Variants in DCDC2C observed in about 807,000 individuals in gnomAD.
The protein encoded by DCDC2C is doublecortin domain-containing protein 2C.
Under a neutral mutation model 45.0 loss-of-function variants are expected in DCDC2C, and 44 were observed. The ratio of observed to expected loss-of-function variants is 0.98; its 90% confidence interval spans 0.77 to 1.26. The LOEUF (loss-of-function observed/expected upper bound fraction) is 1.26, where lower values mean the gene tolerates loss of function less well. Among genes scored for constraint, DCDC2C ranks in the 50% most tolerant of loss-of-function variants. DCDC2C has a pLI of 0.00. For synonymous variants in DCDC2C, 187 were observed against 178.8 expected (o/e 1.05, Z -0.37); for missense variants, 447 against 468.9 (o/e 0.95, Z 0.43).
chr2:3,747,841 A>G (rs1669419601), intron 4 of DCDC2C, among the ~76,000 whole-genome samples: 1 of 152,192 alleles, frequency 6.6e-6, no homozygotes, highest in South Asian at 2.1e-4. Flanking sequence ...TCAGGAGCAG[A>G]CCCCTGATAA....
chr2:3,751,895 T>C (rs770082007), intron 4 of DCDC2C, among the ~76,000 whole-genome samples: 15 of 152,184 alleles, frequency 9.9e-5, no homozygotes, highest in Non-Finnish European at 1.6e-4. Flanking sequence ...TAATGATAAA[T>C]GCTCCTCCCC....
intron 7 of DCDC2C, chr2:3,769,060 T>C (rs1670089278): frequency 4.6e-6 from 2 of 437,054 alleles, no homozygotes; most frequent in Admixed American, 6.8e-5. Flanking sequence ...GTCCAGGACC[T>C]TCATGAAGAC....
chr2:3,713,515 T>C (rs1668273964), intron 2 of DCDC2C, among the ~76,000 whole-genome samples: 1 of 152,192 alleles, frequency 6.6e-6, no homozygotes, highest in South Asian at 2.1e-4. Flanking sequence ...GGGAGCTGCA[T>C]GTCTCGGCCC....
chr2:3,790,834 C>T (rs370798900), intron 10 of DCDC2C, among the ~76,000 whole-genome samples: 5 of 152,192 alleles, frequency 3.3e-5, no homozygotes, highest in Admixed American at 2.6e-4. Flanking sequence ...CTAGGCCGGG[C>T]GCGGTGGTTC....
chr2:3,769,950 G>A (rs1045791028), intron 8 of DCDC2C, among the ~76,000 whole-genome samples: 8 of 152,198 alleles, frequency 5.3e-5, no homozygotes. Context: ...CTGGTGCATG[G>A]TGGATGCTGG....
At chr2:3,836,971 A>C (rs1262775509) in intron 10 of DCDC2C, among the ~76,000 whole-genome samples, 2 of 152,218 alleles carry the variant, frequency 1.3e-5, no homozygotes, top group East Asian at 3.9e-4. Context: ...AAACGTTAAA[A>C]GGAGGACCAG....
intron 10 of DCDC2C, among the ~76,000 whole-genome samples, chr2:3,833,850 G>T (rs1270452471): frequency 6.6e-6 from 1 of 152,148 alleles, no homozygotes; most frequent in African/African-American, 2.4e-5. Context: ...CTATCATAAG[G>T]CATCATTGCT....
At chr2:3,722,433 TAA>T (rs1296899128) in intron 2 of DCDC2C, among the ~76,000 whole-genome samples, 5 of 152,378 alleles carry the variant, frequency 3.3e-5, no homozygotes, top group Middle Eastern at 3.4e-3. Flanking sequence ...TGAATGCAGG[TAA>T]AGAGTCTACT....
intron 2 of DCDC2C, among the ~76,000 whole-genome samples, chr2:3,721,816 G>A (rs1668513173): frequency 6.6e-6 from 1 of 152,142 alleles, no homozygotes; most frequent in Non-Finnish European, 1.5e-5. Context: ...AATGGGAGTT[G>A]CCCTGCACAA....
At chr2:3,776,168 T>C (rs1297791883) in intron 8 of DCDC2C, among the ~76,000 whole-genome samples, 1 of 152,226 alleles carries the variant, frequency 6.6e-6, no homozygotes, top group Non-Finnish European at 1.5e-5. Context: ...AATAATTTTC[T>C]CTCTTTCCTT....
At chr2:3,777,880 C>A (rs1488523472) in intron 8 of DCDC2C, among the ~76,000 whole-genome samples, 1 of 152,372 alleles carries the variant, frequency 6.6e-6, no homozygotes, top group Non-Finnish European at 1.5e-5. Flanking sequence ...CTTCTCTGCC[C>A]ACTGTGACTC....
rs1558249632 is a variant in DCDC2C at position 3,837,622 on chromosome 2, A to AGACAGTATCAAGAGAGGCGAT, written c.1066-9532_1066-9531insGACAGTATCAAGAGAGGCGAT. On this transcript the variant is annotated intron_variant, in intron 10 of 10. Coordinates refer to ENST00000399143, the MANE Select transcript of DCDC2C (RefSeq NM_001287444.2). Reference sequence around the variant, plus strand: ...TCATCTAAAGGGGAAGAAACTGAGGAAGAAATCAGCCTTTGGCTCCCCCTT... The same window carrying AGACAGTATCAAGAGAGGCGAT: ...TCATCTAAAGGGGAAGAAACTGAGGAGACAGTATCAAGAGAGGCGATAGAAATCAGCCTTTGGCTCCCCCTT... 3.2e-5 allele frequency among the ~76,000 whole-genome samples: 4 copies of AGACAGTATCAAGAGAGGCGAT among 124,482 alleles called. 2 individuals carry two copies. Among genetic ancestry groups the AGACAGTATCAAGAGAGGCGAT allele is most frequent in the Admixed American group, 1.6e-4 (2 of 12,452 alleles). The allele number at this position is 124,482 out of a possible 152,430, so 81.7% of individuals were successfully genotyped here.
chr2:3,808,690 G>A (rs1475301155), intron 10 of DCDC2C, among the ~76,000 whole-genome samples: 1 of 152,162 alleles, frequency 6.6e-6, no homozygotes, highest in African/African-American at 2.4e-5. Context: ...AATGTTTTTT[G>A]CCAGTATGTG....
At chr2:3,716,584 A>G (rs2148054153) in intron 2 of DCDC2C, among the ~76,000 whole-genome samples, 1 of 152,290 alleles carries the variant, frequency 6.6e-6, no homozygotes, top group South Asian at 2.1e-4. Context: ...CTGGAGGGGG[A>G]AACAGAGCGA....
chr2:3,718,421 T>C (rs1558561238), intron 2 of DCDC2C, among the ~76,000 whole-genome samples: 1 of 152,204 alleles, frequency 6.6e-6, no homozygotes, highest in Non-Finnish European at 1.5e-5. Context: ...GTTCTCCTTA[T>C]ATTTTTTAGC....
At chr2:3,735,543 TTGAGTTTCCTG>T (rs2148093917) in intron 3 of DCDC2C, among the ~76,000 whole-genome samples, 1 of 152,162 alleles carries the variant, frequency 6.6e-6, no homozygotes, top group African/African-American at 2.4e-5. Context: ...TGGATTACAG[TTGAGTTTCCTG>T]GGAATTTTAC....
intron 10 of DCDC2C, among the ~76,000 whole-genome samples, chr2:3,815,733 A>T (rs1475666212): frequency 2.6e-5 from 4 of 151,248 alleles, no homozygotes; most frequent in Non-Finnish European, 5.9e-5. Context: ...GTTCTCTGGC[A>T]GGGGCAGGGG....
intron 8 of DCDC2C, among the ~76,000 whole-genome samples, chr2:3,772,997 G>A (rs889244474): frequency 1.3e-5 from 2 of 152,206 alleles, no homozygotes; most frequent in Non-Finnish European, 2.9e-5. Context: ...TAGGGAAGCG[G>A]TAACCTGAGT....
intron 4 of DCDC2C, among the ~76,000 whole-genome samples, chr2:3,748,199 C>T (rs1203827525): frequency 6.6e-6 from 1 of 152,044 alleles, no homozygotes; most frequent in Non-Finnish European, 1.5e-5. Context: ...AGTGTCACCA[C>T]CTGACTCCGG....
Sources: allele counts gnomAD v4.1 joint callset (sites outside exome capture counted in the v4.1 genomes callset), GRCh38; gene constraint gnomAD v4.1.1; transcripts MANE v1.5; gene names NCBI Gene and HGNC (gene_info 2026-07-23, HGNC 2026-07-21).